TP63: variants seen among roughly 807,000 people sequenced by gnomAD.
TP63 encodes tumor protein 63.
In TP63, 17 loss-of-function variants were observed where a neutral mutation model predicts 82.8. The ratio of observed to expected loss-of-function variants is 0.21; its 90% CI spans 0.14 to 0.31. The LOEUF is 0.31. Among genes scored for constraint, TP63 ranks in the 10% least tolerant of loss-of-function variants. The probability of loss-of-function intolerance (pLI) is 1.00; values close to 1 mark genes in which losing one functional copy is unlikely to be tolerated. For missense variants in TP63, 648 were observed against 895.3 expected, an observed-to-expected ratio of 0.72 and a Z score of 3.52; for synonymous variants, 330 against 321.7, an observed-to-expected ratio of 1.03 and a Z score of -0.28.
intron 4 of TP63, among the ~76,000 whole-genome samples, chr3:189,850,359 C>G (rs1173187259): frequency 1.3e-5 from 2 of 152,092 alleles, no homozygotes; most frequent in Non-Finnish European, 2.9e-5. Context: ...ATTAAGACAT[C>G]TGAGTATAAG....
At chr3:189,884,095 A>G (rs1720196598) in intron 10 of TP63, among the ~76,000 whole-genome samples, 1 of 152,218 alleles carries the variant, frequency 6.6e-6, no homozygotes, top group Non-Finnish European at 1.5e-5. Context: ...GACCAACTGC[A>G]TCAGGAATAT....
At chr3:189,601,104 A>G in the TP63 span, among the ~76,000 whole-genome samples, 10 of 152,188 alleles carry the variant, frequency 6.6e-5, no homozygotes, top group Non-Finnish European at 1.5e-4. Context: ...TTTTAATCCC[A>G]TAGTTGATGT....
chr3:189,661,748 A>G (rs796803316), intron 1 of TP63, among the ~76,000 whole-genome samples: 22 of 151,948 alleles, frequency 1.4e-4, no homozygotes, highest in African/African-American at 5.3e-4. Flanking sequence ...CCATTTCAGA[A>G]CTCAATATTG....
intron 3 of TP63, among the ~76,000 whole-genome samples, chr3:189,768,186 A>G (rs1006832330): frequency 1.3e-5 from 2 of 152,132 alleles, no homozygotes; most frequent in African/African-American, 2.4e-5. Context: ...CGGGATTAAT[A>G]TGACTATGGT....
chr3:189,678,627 A>G (rs549714964), intron 1 of TP63, among the ~76,000 whole-genome samples: 5 of 151,978 alleles, frequency 3.3e-5, no homozygotes, highest in Non-Finnish European at 5.9e-5. Context: ...GAAAAATGAC[A>G]TTGGTATTTT....
chr3:189,738,904 T>C (rs1286369841), intron 3 of TP63, 130 bp downstream of exon 3: 8 of 1,335,562 alleles, frequency 6.0e-6, no homozygotes, highest in Admixed American at 4.0e-5. Context: ...AGAGAGTCTA[T>C]GTTGTTAGCT....
intron 9 of TP63, among the ~76,000 whole-genome samples, chr3:189,871,431 G>T (rs568053343): frequency 5.1e-4 from 77 of 152,256 alleles, no homozygotes; most frequent in African/African-American, 1.7e-3. Context: ...GAGTACCCAA[G>T]AAGCTCCAAA....
At chr3:189,774,911 C>G (rs1723661642) in intron 3 of TP63, among the ~76,000 whole-genome samples, 1 of 152,096 alleles carries the variant, frequency 6.6e-6, no homozygotes, top group Admixed American at 6.6e-5. Flanking sequence ...AGGTACAAAT[C>G]TTTTCCCATA....
chr3:189,860,544 GA>G (rs1368021075), intron 4 of TP63, among the ~76,000 whole-genome samples: 6 of 151,756 alleles, frequency 4.0e-5, no homozygotes, highest in African/African-American at 7.3e-5. Flanking sequence ...TTTGTAAAAA[GA>G]AAAAAAAGCG....
chr3:189,733,952 T>C (rs2108788570), intron 1 of TP63, among the ~76,000 whole-genome samples: 1 of 152,330 alleles, frequency 6.6e-6, no homozygotes, highest in Admixed American at 6.5e-5. Flanking sequence ...CTCCCATTTC[T>C]ACCAATTTAA....
chr3:189,828,830 G>A (rs184781552), intron 4 of TP63, among the ~76,000 whole-genome samples: 12 of 152,156 alleles, frequency 7.9e-5, no homozygotes, highest in Admixed American at 3.9e-4. Context: ...TAACACTTTC[G>A]TCCTTTTACT....
At position 189,695,752 on chromosome 3, in the gene TP63, C is replaced by G. The variant is rs146405161; in HGVS notation, c.63-41988C>G. Among the ~76,000 whole-genome samples the G allele has an allele frequency of 8.5e-5, 13 of 152,306 alleles. No individual in the cohort carries two copies. In the East Asian group the frequency reaches 2.5e-3, roughly 29 times the overall value. The stretch of plus-strand genomic sequence containing the variant: ...TAAAGTGAAAAACCTCGCTCTCATA[C>G]ACGCATCATCCATTTACTTAATTGT... On this transcript the variant is annotated intron_variant, in intron 1 of 13. Coordinates refer to ENST00000264731, the MANE Select transcript of TP63 (RefSeq NM_003722.5).
chr3:189,789,736 G>T, intron 3 of TP63: 2 of 1,542,662 alleles, frequency 1.3e-6, no homozygotes, highest in Non-Finnish European at 1.7e-6. Flanking sequence ...TCTCGGGGTG[G>T]GGGGGTTGGC....
At chr3:189,854,945 G>C (rs1314094002) in intron 4 of TP63, among the ~76,000 whole-genome samples, 1 of 152,120 alleles carries the variant, frequency 6.6e-6, no homozygotes, top group Non-Finnish European at 1.5e-5. Context: ...TAGTAAAAAG[G>C]GATGAAGATT....
chr3:189,686,413 A>G (rs1453857780), intron 1 of TP63, among the ~76,000 whole-genome samples: 6 of 152,110 alleles, frequency 3.9e-5, no homozygotes, highest in African/African-American at 1.4e-4. Context: ...CAGCAATTCA[A>G]AGAAACTAAG....
At chr3:189,726,725 G>C (rs978463083) in intron 1 of TP63, among the ~76,000 whole-genome samples, 1 of 152,108 alleles carries the variant, frequency 6.6e-6, no homozygotes, top group Non-Finnish European at 1.5e-5. Context: ...GTAATTCCCT[G>C]GGATGACAAA....
the TP63 span, among the ~76,000 whole-genome samples, chr3:189,625,895 GT>G: frequency 6.6e-6 from 1 of 152,108 alleles, no homozygotes; most frequent in African/African-American, 2.4e-5. Flanking sequence ...AGGTTTGTCT[GT>G]TAAAGAAACT....
the TP63 span, among the ~76,000 whole-genome samples, chr3:189,601,377 G>A: frequency 6.6e-6 from 1 of 152,128 alleles, no homozygotes; most frequent in Non-Finnish European, 1.5e-5. Flanking sequence ...TCTGGTTGAA[G>A]TAAACTTGGA....
intron 1 of TP63, among the ~76,000 whole-genome samples, chr3:189,637,062 C>T (rs1242854733): frequency 6.6e-6 from 1 of 151,966 alleles, no homozygotes; most frequent in African/African-American, 2.4e-5. Flanking sequence ...GAAACCAACC[C>T]TGGACTGGAT....
Sources: gnomAD v4.1 joint callset for allele counts (sites outside exome capture counted in the v4.1 genomes callset) on GRCh38, gnomAD v4.1.1 for gene constraint, MANE v1.5 for transcripts, NCBI Gene and HGNC (gene_info 2026-07-23, HGNC 2026-07-21) for gene names.